Variants in RPS3 observed in about 807,000 individuals in gnomAD.
RPS3 encodes ribosomal protein S3.
In RPS3, 2 loss-of-function variants were observed where a neutral mutation model predicts 25.8. The ratio of observed to expected loss-of-function variants is 0.08; its 90% CI spans 0.03 to 0.24. The LOEUF is 0.24. Ranked by LOEUF, RPS3 falls within the 10% of genes least tolerant of loss-of-function variation. The pLI is 1.00. For missense variants in RPS3, 107 were observed against 307.1 expected, an observed-to-expected ratio of 0.35 and a Z score of 4.87; for synonymous variants, 114 against 114.2, an observed-to-expected ratio of 1.00 and a Z score of 0.01.
intron 3 of RPS3, 131 bp from the exon 4 acceptor site, chr11:75,402,221 G>T: frequency 7.2e-7 from 1 of 1,380,604 alleles, no homozygotes; most frequent in Non-Finnish European, 1.0e-6. Flanking sequence ...GCCATCTCCT[G>T]GGCAGCATGC....
downstream of RPS3, among the ~76,000 whole-genome samples, chr11:75,407,805 T>C (rs563918152): frequency 1.3e-5 from 2 of 152,210 alleles, no homozygotes; most frequent in South Asian, 4.1e-4. Context: ...AGGTTAAGAC[T>C]GTACTGTGCC....
chr11:75,410,761 A>G (rs1323145625), downstream of RPS3, among the ~76,000 whole-genome samples: 8 of 152,192 alleles, frequency 5.3e-5, no homozygotes, highest in East Asian at 1.9e-4. Context: ...AGGCTGGCGG[A>G]TCACTCGCGG....
intron 6 of RPS3, among the ~76,000 whole-genome samples, chr11:75,420,273 G>T (rs1948432164): frequency 6.6e-6 from 1 of 152,180 alleles, no homozygotes; most frequent in African/African-American, 2.4e-5. Context: ...CACACCTGGG[G>T]TGTCACCTTT....
At chr11:75,410,967 C>T (rs1448075951), downstream of RPS3, among the ~76,000 whole-genome samples, 2 of 152,190 alleles carry the variant, frequency 1.3e-5, no homozygotes, top group Non-Finnish European at 2.9e-5. Flanking sequence ...AGCTCCGCCT[C>T]CCAGGTTCAC....
In RPS3 at chr11:75,406,441, G is replaced by A. The variant is rs1948288945; in HGVS notation, c.*831G>A. 6.6e-6 allele frequency: 1 copy of A among 152,184 alleles called. No homozygotes were observed. Among genetic ancestry groups the A allele is most frequent in the South Asian group, 2.1e-4 (1 of 4,826 alleles). 9.4% of individuals were successfully genotyped at this position (152,184 alleles called of 1,614,324 possible). On this transcript the variant is annotated 3_prime_UTR_variant, in exon 7 of 7. Coordinates refer to ENST00000531188, the MANE Select transcript of RPS3 (RefSeq NM_001005.5). ...GCTGTTATCAGGTGGCTGCTTCCTGGTGATGCAGCCTGGCTGATGAGATAA... is the reference window on the plus strand; with the variant it reads ...GCTGTTATCAGGTGGCTGCTTCCTGATGATGCAGCCTGGCTGATGAGATAA...
At chr11:75,408,190 C>G (rs571837134), downstream of RPS3, among the ~76,000 whole-genome samples, 3 of 152,208 alleles carry the variant, frequency 2.0e-5, no homozygotes, top group South Asian at 4.2e-4. Context: ...AGTGAACACC[C>G]CTGTGTAACC....
At position 75,405,686 on chromosome 11, in the gene RPS3, GAC is replaced by G; in HGVS notation, c.*80_*81del. On this transcript the variant is annotated 3_prime_UTR_variant, in exon 7 of 7. Transcript: ENST00000531188. ...GACCTTTAATAAAATTTTGTACAAA[GAC>G]ACAAGGTCTGACTAGACTGTTCAGT... is the stretch of plus-strand genomic sequence containing the variant. The G allele has an allele frequency of 2.2e-6, 1 of 456,064 alleles. No individual in the cohort carries two copies. The highest frequency in any genetic ancestry group is 3.3e-4 in the Middle Eastern group (1 of 3,074). The allele number at this position is 456,064 out of a possible 1,614,324, so 28.3% of individuals were successfully genotyped here.
At chr11:75,420,637 T>C (rs926230939) in intron 6 of RPS3, among the ~76,000 whole-genome samples, 2 of 152,032 alleles carry the variant, frequency 1.3e-5, no homozygotes, top group African/African-American at 4.8e-5. Flanking sequence ...TGCCTTACAC[T>C]ATTACAAGAT....
chr11:75,408,012 T>C (rs565811025), downstream of RPS3, among the ~76,000 whole-genome samples: 4 of 152,296 alleles, frequency 2.6e-5, no homozygotes, highest in South Asian at 4.1e-4. Flanking sequence ...TGCAGATTAT[T>C]AGCGTAATAG....
intron 6 of RPS3, among the ~76,000 whole-genome samples, chr11:75,413,031 C>T (rs1187462172): frequency 6.6e-6 from 1 of 152,174 alleles, no homozygotes; most frequent in East Asian, 1.9e-4. Flanking sequence ...CCTTGGCCTC[C>T]CAAAGTGCTG....
chr11:75,407,818 A>T (rs189911949), downstream of RPS3, among the ~76,000 whole-genome samples: 1 of 152,208 alleles, frequency 6.6e-6, no homozygotes, highest in African/African-American at 2.4e-5. Context: ...ACTGTGCCGT[A>T]TATTAGATTA....
intron 6 of RPS3, among the ~76,000 whole-genome samples, chr11:75,416,128 C>T (rs1205151566): frequency 1.3e-5 from 2 of 152,196 alleles, no homozygotes; most frequent in East Asian, 1.9e-4. Context: ...GCAGTATGAG[C>T]GCAAGCACAT....
At chr11:75,415,199 G>A (rs899481337) in intron 6 of RPS3, among the ~76,000 whole-genome samples, 7 of 152,228 alleles carry the variant, frequency 4.6e-5, no homozygotes, top group African/African-American at 1.4e-4. Flanking sequence ...GAGCATTGCA[G>A]TCAGACCTGG....
intron 4 of RPS3, 87 bp downstream of exon 4, chr11:75,402,533 T>TA (rs1948225957): frequency 7.2e-7 from 1 of 1,391,340 alleles, no homozygotes; most frequent in African/African-American, 1.4e-5. Context: ...GATGAACTGT[T>TA]ACAAAGTTAC....
intron 6 of RPS3, among the ~76,000 whole-genome samples, chr11:75,413,458 G>A (rs1351431237): frequency 6.6e-6 from 1 of 152,032 alleles, no homozygotes; most frequent in Middle Eastern, 3.5e-3. Context: ...GGGTTTCACC[G>A]TGTTAGCCAG....
chr11:75,409,155 TTTTTA>T (rs1414259887), downstream of RPS3, among the ~76,000 whole-genome samples: 3 of 151,298 alleles, frequency 2.0e-5, no homozygotes, highest in East Asian at 5.8e-4. Flanking sequence ...CTAATTTTTA[TTTTTA>T]TTTTATTTAT....
chr11:75,411,454 A>G (rs1298407348), downstream of RPS3, among the ~76,000 whole-genome samples: 1 of 152,092 alleles, frequency 6.6e-6, no homozygotes, highest in East Asian at 1.9e-4. Context: ...CAGTGGCGCA[A>G]TCTCGGCTCA....
downstream of RPS3, among the ~76,000 whole-genome samples, chr11:75,410,318 G>A (rs1269682902): frequency 6.6e-6 from 1 of 151,380 alleles, no homozygotes; most frequent in Non-Finnish European, 1.5e-5. Context: ...CAGACGGGGC[G>A]GCCGGGCAGA....
chr11:75,409,982 G>A, downstream of RPS3, among the ~76,000 whole-genome samples: 1 of 144,500 alleles, frequency 6.9e-6, no homozygotes, highest in African/African-American at 2.5e-5. Context: ...GGCTGGCCGG[G>A]CAGAGGGGCT....
Sources: gnomAD v4.1 joint callset for allele counts (sites outside exome capture counted in the v4.1 genomes callset) on GRCh38, gnomAD v4.1.1 for gene constraint, MANE v1.5 for transcripts, NCBI Gene and HGNC (gene_info 2026-07-23, HGNC 2026-07-21) for gene names.